Variants in ADAMTSL1 observed in about 807,000 individuals in gnomAD.
ADAMTSL1 encodes ADAMTS like 1.
In ADAMTSL1, 126 loss-of-function variants were observed where a neutral mutation model predicts 201.8. The ratio of observed to expected loss-of-function variants is 0.62; its 90% CI spans 0.54 to 0.72. ADAMTSL1 has a LOEUF of 0.72. ADAMTSL1 is among the 30% of genes least tolerant of loss of function. ADAMTSL1 has a pLI of 0.00. For synonymous variants in ADAMTSL1, 1,121 were observed against 903.4 expected (o/e 1.24, Z -4.32); for missense variants, 2,679 against 2,277.8 (o/e 1.18, Z -3.59).
chr9:18,778,944 T>A (rs1563794410), intron 19 of ADAMTSL1, among the ~76,000 whole-genome samples: 1 of 152,244 alleles, frequency 6.6e-6, no homozygotes, highest in Non-Finnish European at 1.5e-5. Context: ...CATAATGCTC[T>A]TTTCATTAAG....
chr9:18,100,896 A>G (rs1824485141), intron 1 of ADAMTSL1, among the ~76,000 whole-genome samples: 1 of 152,106 alleles, frequency 6.6e-6, no homozygotes, highest in East Asian at 1.9e-4. Flanking sequence ...CTCTTTTATG[A>G]GTTTCAAATG....
intron 1 of ADAMTSL1, among the ~76,000 whole-genome samples, chr9:18,140,903 A>G (rs1411771006): frequency 6.6e-6 from 1 of 152,184 alleles, no homozygotes; most frequent in Non-Finnish European, 1.5e-5. Flanking sequence ...TTGGAAAACA[A>G]TGAGAGGGAG....
At chr9:18,486,993 C>T (rs896786694) in intron 1 of ADAMTSL1, among the ~76,000 whole-genome samples, 2 of 152,106 alleles carry the variant, frequency 1.3e-5, no homozygotes, top group Admixed American at 6.5e-5. Context: ...AGGCATCACA[C>T]GTGAAGTTCC....
rs532136731 is a variant in ADAMTSL1, at chr9:18,022,946, C to T, written c.87+116024C>T. Among the ~76,000 whole-genome samples the T allele has an allele frequency of 2.0e-5, 3 of 152,206 alleles. No homozygotes were observed. In the South Asian group the frequency reaches 6.2e-4, roughly 32 times the overall value. ...TCACTGGCCTCCCATCCTTCTCCAC[C>T]TTGCTGGGTTTCTTTTCTCTTACCC... On this transcript the variant is annotated intron_variant, in intron 1 of 29. Coordinates refer to the ADAMTSL1 transcript ENST00000680146.
At chr9:18,081,156 T>A (rs1041000788) in intron 1 of ADAMTSL1, among the ~76,000 whole-genome samples, 4 of 152,190 alleles carry the variant, frequency 2.6e-5, no homozygotes, top group African/African-American at 9.7e-5. Context: ...GGGGTGGACT[T>A]TGATAAGTCT....
intron 3 of ADAMTSL1, among the ~76,000 whole-genome samples, chr9:18,542,380 T>G (rs1820205620): frequency 6.6e-6 from 1 of 152,306 alleles, no homozygotes; most frequent in South Asian, 2.1e-4. Flanking sequence ...CATTACCTGT[T>G]ATGTTTTGAA....
intron 23 of ADAMTSL1, among the ~76,000 whole-genome samples, chr9:18,864,420 T>C (rs1204732321): frequency 6.6e-6 from 1 of 152,210 alleles, no homozygotes; most frequent in Non-Finnish European, 1.5e-5. Context: ...TGGCTTGATC[T>C]ATCCTACAAG....
intron 2 of ADAMTSL1, among the ~76,000 whole-genome samples, chr9:18,327,092 T>C (rs1834854804): frequency 2.0e-5 from 3 of 152,350 alleles, no homozygotes; most frequent in Admixed American, 2.0e-4. Flanking sequence ...AAAAAAATTT[T>C]CAAATTACTG....
At chr9:18,283,804 C>T (rs867274691) in intron 2 of ADAMTSL1, among the ~76,000 whole-genome samples, 41 of 148,188 alleles carry the variant, frequency 2.8e-4, no homozygotes, top group African/African-American at 8.0e-4. Context: ...CCCAGCTACT[C>T]GGGAGGCTGA....
intron 2 of ADAMTSL1, among the ~76,000 whole-genome samples, chr9:18,324,997 T>A (rs1834772673): frequency 6.6e-6 from 1 of 152,116 alleles, no homozygotes; most frequent in Non-Finnish European, 1.5e-5. Context: ...ATAAACAATG[T>A]TATCAGCAGC....
chr9:18,313,744 A>G (rs1834244601), intron 2 of ADAMTSL1, among the ~76,000 whole-genome samples: 2 of 152,156 alleles, frequency 1.3e-5, no homozygotes, highest in African/African-American at 2.4e-5. Flanking sequence ...AGAGGAAAGT[A>G]TAGGGAAAGA....
intron 26 of ADAMTSL1, among the ~76,000 whole-genome samples, chr9:18,897,885 G>A (rs952765562): frequency 4.6e-5 from 7 of 152,094 alleles, no homozygotes; most frequent in South Asian, 2.1e-4. Context: ...GGCTTCAGAC[G>A]GTGGATAGTA....
chr9:18,532,272 C>A (rs910987646), intron 2 of ADAMTSL1, among the ~76,000 whole-genome samples: 1 of 152,032 alleles, frequency 6.6e-6, no homozygotes, highest in South Asian at 2.1e-4. Context: ...TGTAATGGTA[C>A]AACTTTTATG....
chr9:18,625,997 C>G (rs909788761), intron 5 of ADAMTSL1, among the ~76,000 whole-genome samples: 1 of 152,148 alleles, frequency 6.6e-6, no homozygotes, highest in Non-Finnish European at 1.5e-5. Flanking sequence ...GTAAAGTACG[C>G]TTATAATAAA....
At chr9:18,143,529 C>T (rs995133780) in intron 1 of ADAMTSL1, among the ~76,000 whole-genome samples, 3 of 151,722 alleles carry the variant, frequency 2.0e-5, no homozygotes, top group Non-Finnish European at 4.4e-5. Context: ...GGTTTTTTGT[C>T]ACTCTGTCTG....
intron 1 of ADAMTSL1, among the ~76,000 whole-genome samples, chr9:18,477,326 G>C (rs1821501984): frequency 6.6e-6 from 1 of 152,164 alleles, no homozygotes; most frequent in Non-Finnish European, 1.5e-5. Context: ...AGAGTTGCAA[G>C]AGTAACACTA....
At chr9:18,087,262 C>T (rs941472516) in intron 1 of ADAMTSL1, among the ~76,000 whole-genome samples, 5 of 151,956 alleles carry the variant, frequency 3.3e-5, no homozygotes, top group African/African-American at 7.2e-5. Flanking sequence ...CTCAAAGAGC[C>T]GTCTTCTGGA....
At chr9:18,021,011 C>G (rs995767580) in intron 1 of ADAMTSL1, among the ~76,000 whole-genome samples, 1 of 152,130 alleles carries the variant, frequency 6.6e-6, no homozygotes, top group African/African-American at 2.4e-5. Flanking sequence ...ATGGTCTGCA[C>G]AGTGGTACTG....
At chr9:18,596,860 G>C (rs555662267) in intron 4 of ADAMTSL1, among the ~76,000 whole-genome samples, 3 of 152,310 alleles carry the variant, frequency 2.0e-5, no homozygotes, top group South Asian at 4.1e-4. Context: ...ACGTAGACAA[G>C]GCTCTAAGGT....
Sources: gnomAD v4.1 joint callset for allele counts (sites outside exome capture counted in the v4.1 genomes callset) on GRCh38, gnomAD v4.1.1 for gene constraint, MANE v1.5 for transcripts, NCBI Gene and HGNC (gene_info 2026-07-23, HGNC 2026-07-21) for gene names.